The following LAMC3 variants were observed in gnomAD, a reference collection of about 807,000 sequenced individuals.
The protein encoded by LAMC3 is laminin subunit gamma 3.
In LAMC3, 128 loss-of-function variants were observed where a neutral mutation model predicts 173.8. The observed-to-expected ratio is 0.74, with a 90% CI of 0.64 to 0.85. LAMC3 has a LOEUF of 0.85. Ranked by LOEUF, LAMC3 falls within the 40% of genes least tolerant of loss-of-function variation. The probability of loss-of-function intolerance (pLI) is 0.00; values close to 1 mark genes in which losing one functional copy is unlikely to be tolerated. For missense variants in LAMC3, 2,022 were observed against 2,156.0 expected (o/e 0.94, Z 1.23); for synonymous variants, 897 against 909.1 (o/e 0.99, Z 0.24).
Position 131,022,243 on chromosome 9 carries a change from C to CACACACACACACACACACACACAT in LAMC3, c.374-4041_374-4040insCACACACACACACACACACACATA, listed in dbSNP as rs1554782478. Among the ~76,000 whole-genome samples the CACACACACACACACACACACACAT allele has an allele frequency of 5.3e-5, 8 of 151,616 alleles. No homozygotes were observed. In the South Asian group the frequency reaches 6.3e-4, roughly 12 times the overall value. ...ACACACACACACACACACACACACA[C>CACACACACACACACACACACACAT]ATATATATGTATTTTTTTAATAGAG... is the stretch of plus-strand genomic sequence containing the variant. On this transcript the variant is annotated intron_variant, in intron 1 of 27. Coordinates refer to ENST00000361069, the MANE Select transcript of LAMC3 (RefSeq NM_006059.4).
chr9:131,033,897 A>C (rs1833896104), intron 3 of LAMC3, among the ~76,000 whole-genome samples: 1 of 152,182 alleles, frequency 6.6e-6, no homozygotes, highest in East Asian at 1.9e-4. Context: ...AGGGGGCGGC[A>C]TGAGGCTCAA....
chr9:131,073,577 T>C (rs1830074194), intron 20 of LAMC3, among the ~76,000 whole-genome samples: 1 of 152,184 alleles, frequency 6.6e-6, no homozygotes, highest in Non-Finnish European at 1.5e-5. Flanking sequence ...TTGTGTAATA[T>C]ACAAGTTATT....
intron 1 of LAMC3, among the ~76,000 whole-genome samples, chr9:131,013,945 T>C (rs116509871): frequency 0.015 from 2,292 of 152,332 alleles, 58 homozygotes; most frequent in African/African-American, 0.053. Context: ...CCTGGGCCAG[T>C]GCTGGGGGCC....
At chr9:131,040,119 A>G (rs980889814) in intron 6 of LAMC3, among the ~76,000 whole-genome samples, 3 of 151,422 alleles carry the variant, frequency 2.0e-5, no homozygotes, top group South Asian at 4.2e-4. Flanking sequence ...GGTTCCAGCA[A>G]TTCTCTGCCT....
intron 1 of LAMC3, among the ~76,000 whole-genome samples, chr9:131,010,356 A>G (rs1220475271): frequency 1.3e-5 from 2 of 152,082 alleles, no homozygotes; most frequent in African/African-American, 2.4e-5. Flanking sequence ...AAAAGAAGAA[A>G]AAAAAACAGG....
intron 1 of LAMC3, among the ~76,000 whole-genome samples, chr9:131,024,827 G>A (rs1381494226): frequency 6.6e-6 from 1 of 152,082 alleles, no homozygotes; most frequent in Non-Finnish European, 1.5e-5. Context: ...GTCCAGTGTG[G>A]GGAGCCACCG....
At position 131,050,084 on chromosome 9, in the gene LAMC3, C is replaced by T. The variant is rs1023182228; in HGVS notation, c.1630+954C>T. Among the ~76,000 whole-genome samples, 23 of 152,372 alleles carry T rather than the reference C, an allele frequency of 1.5e-4. No individual in the cohort carries two copies. In the East Asian group the frequency reaches 2.3e-3, roughly 15 times the overall value. ...GGCGTCGGGCCCCTCGTGGGGCAGG[C>T]GCTCCAAGCTCAGAGGCCCATGAGC... is the stretch of plus-strand genomic sequence containing the variant. On this transcript the variant is annotated intron_variant, in intron 9 of 27. Transcript: ENST00000361069.
chr9:131,036,466 C>T, intron 4 of LAMC3, 134 bp downstream of exon 4: 1 of 973,150 alleles, frequency 1.0e-6, no homozygotes. Flanking sequence ...CTCTGTGCTG[C>T]TGCAGAGATA....
At chr9:131,063,718 G>A (rs1240362322) in intron 13 of LAMC3, among the ~76,000 whole-genome samples, 4 of 152,164 alleles carry the variant, frequency 2.6e-5, no homozygotes, top group African/African-American at 9.7e-5. Flanking sequence ...CTGGTTCCAG[G>A]TGAATGGCCA....
chr9:131,049,355 A>G (rs1289986218), intron 9 of LAMC3, among the ~76,000 whole-genome samples: 1 of 152,160 alleles, frequency 6.6e-6, no homozygotes, highest in Non-Finnish European at 1.5e-5. Context: ...AGCCTCTAGA[A>G]GCCGCCTGCA....
chr9:131,014,406 C>G (rs574353070), intron 1 of LAMC3, among the ~76,000 whole-genome samples: 1 of 152,358 alleles, frequency 6.6e-6, no homozygotes, highest in East Asian at 1.9e-4. Flanking sequence ...GTCTGCCCCA[C>G]TCAGCTTAGA....
chr9:131,059,188 T>C (rs1265218468), intron 12 of LAMC3, among the ~76,000 whole-genome samples: 3 of 126,676 alleles, frequency 2.4e-5, no homozygotes, highest in Admixed American at 8.3e-5. Context: ...AGAGTAAGAC[T>C]CCATCTCAAA....
intron 1 of LAMC3, among the ~76,000 whole-genome samples, chr9:131,016,169 G>C (rs890581299): frequency 4.6e-5 from 7 of 152,180 alleles, no homozygotes; most frequent in Admixed American, 3.9e-4. Flanking sequence ...ATACTGTAGG[G>C]TTCCGCTGAT....
At position 131,039,263 on chromosome 9, in the gene LAMC3, CG is replaced by C. The variant is rs1834001603; in HGVS notation, c.1283+17del. ...GGAGGCTGCAGGTGAGGGCGAGGGG[CG>C]GCCCAGTATGGACACATTGCACTGA... On this transcript the variant is annotated intron_variant, in intron 6 of 27. Coordinates refer to ENST00000361069, the MANE Select transcript of LAMC3 (RefSeq NM_006059.4). The C allele has an allele frequency of 1.3e-6, 2 of 1,592,148 alleles. No homozygotes were observed. Among genetic ancestry groups the C allele is most frequent in the East Asian group, 4.5e-5 (2 of 44,832 alleles).
Position 131,057,085 on chromosome 9 carries a change from G to T in LAMC3, c.2096G>T (p.Gly699Val), listed in dbSNP as rs61737720. ...TACAAGAGGGAGATGCCACAGGGGG[G>T]TCCCTATGCCAGCTGTGTCCCCTGC... ...PGYKREMPQG[G>V]PYASCVPCTC... Residue 699 changes from glycine to valine, a missense_variant, in exon 12 of 28, where the codon GGT becomes GTT. Gly to Val is a moderately radical substitution (Grantham distance 109). Coordinates refer to ENST00000361069, the MANE Select transcript of LAMC3 (RefSeq NM_006059.4). The T allele has an allele frequency of 1.1e-5, 18 of 1,614,138 alleles. No homozygotes were observed. In the South Asian group the frequency reaches 1.4e-4, roughly 13 times the overall value.
chr9:131,060,973 C>T (rs575688911), intron 12 of LAMC3, 62 bp from the exon 13 acceptor site: 140 of 1,560,000 alleles, frequency 9.0e-5, no homozygotes, highest in African/African-American at 1.1e-4. Flanking sequence ...CCTCTCCCAC[C>T]GGGATGCCCA....
intron 8 of LAMC3, among the ~76,000 whole-genome samples, chr9:131,048,815 G>A (rs1047104733): frequency 6.6e-6 from 1 of 152,030 alleles, no homozygotes; most frequent in Admixed American, 6.6e-5. Flanking sequence ...TCTTCAGGCT[G>A]TCTTCATGCT....
intron 1 of LAMC3, among the ~76,000 whole-genome samples, chr9:131,016,068 G>T (rs1160289913): frequency 1.3e-5 from 2 of 152,192 alleles, no homozygotes; most frequent in African/African-American, 4.8e-5. Flanking sequence ...ATATTACTCA[G>T]CCCTGAAAAA....
At chr9:131,023,184 C>T (rs770595565) in intron 1 of LAMC3, among the ~76,000 whole-genome samples, 2 of 152,206 alleles carry the variant, frequency 1.3e-5, no homozygotes, top group Non-Finnish European at 2.9e-5. Flanking sequence ...AGTTGCTGGG[C>T]ATTGGAGTTG....
Sources: gnomAD v4.1 joint callset for allele counts (sites outside exome capture counted in the v4.1 genomes callset) on GRCh38, gnomAD v4.1.1 for gene constraint, MANE v1.5 for transcripts, NCBI Gene and HGNC (gene_info 2026-07-23, HGNC 2026-07-21) for gene names.